Variants in C12orf50 observed in about 807,000 individuals in gnomAD.
C12orf50 encodes the protein zinc finger CCCH-type containing 11D, also known as uncharacterized protein C12orf50.
A neutral mutation model predicts 61.6 loss-of-function variants in C12orf50; 35 were observed. The ratio of observed to expected loss-of-function variants is 0.57; its 90% CI spans 0.43 to 0.75. C12orf50 has a LOEUF of 0.75. Among genes scored for constraint, C12orf50 ranks in the 30% least tolerant of loss-of-function variants. The pLI, the probability that C12orf50 is intolerant of heterozygous loss-of-function variation, is 0.00. For missense variants in C12orf50, 475 were observed against 488.5 expected, an observed-to-expected ratio of 0.97 and a Z score of 0.26; for synonymous variants, 178 against 161.5, an observed-to-expected ratio of 1.10 and a Z score of -0.77.
chr12:88,012,305 T>C (rs1246129708), intron 3 of C12orf50, among the ~76,000 whole-genome samples: 2 of 152,188 alleles, frequency 1.3e-5, no homozygotes, highest in Non-Finnish European at 2.9e-5. Flanking sequence ...ATAAATGCAA[T>C]CATAATGCAG....
At chr12:88,021,210 C>T (rs928992560) in intron 3 of C12orf50, among the ~76,000 whole-genome samples, 1 of 149,572 alleles carries the variant, frequency 6.7e-6, no homozygotes, top group African/African-American at 2.5e-5. Flanking sequence ...AATGGAGACA[C>T]AAAAAGCCAT....
chr12:88,011,857 T>G (rs370994540), intron 3 of C12orf50, among the ~76,000 whole-genome samples: 2 of 152,148 alleles, frequency 1.3e-5, no homozygotes, highest in South Asian at 4.1e-4. Context: ...AGAATTCCAG[T>G]TTTCCCTTAA....
At chr12:88,026,287 T>C (rs931165778) in intron 3 of C12orf50, among the ~76,000 whole-genome samples, 1 of 152,230 alleles carries the variant, frequency 6.6e-6, no homozygotes, top group African/African-American at 2.4e-5. Flanking sequence ...TAACTTGCTC[T>C]TTGTTCATTT....
intron 3 of C12orf50, among the ~76,000 whole-genome samples, chr12:88,002,967 T>C (rs542221432): frequency 6.6e-6 from 1 of 151,980 alleles, no homozygotes; most frequent in African/African-American, 2.4e-5. Flanking sequence ...TATGCCCTCT[T>C]CCTCCTTTCT....
At chr12:88,016,219 T>A (rs2032306291) in intron 3 of C12orf50, among the ~76,000 whole-genome samples, 1 of 152,204 alleles carries the variant, frequency 6.6e-6, no homozygotes, top group African/African-American at 2.4e-5. Flanking sequence ...ATTTGTACAA[T>A]GCTCTGTATG....
chr12:88,018,862 C>T (rs1280708772), intron 3 of C12orf50, among the ~76,000 whole-genome samples: 1 of 152,212 alleles, frequency 6.6e-6, no homozygotes, highest in African/African-American at 2.4e-5. Context: ...TTTCGAATGG[C>T]TGTACCTACC....
chr12:87,983,221 A>G lies in C12orf50; in HGVS notation c.1127-26T>C, dbSNP rs182118466. On this transcript the variant is annotated intron_variant, in intron 11 of 12. Coordinates refer to ENST00000298699, the MANE Select transcript of C12orf50 (RefSeq NM_152589.3). Reference sequence around the variant, plus strand: ...CTGAGGGAAAAAAATCCAGAATTAAATATTTTATAACTTTAAAATCATATT... The same window carrying G: ...CTGAGGGAAAAAAATCCAGAATTAAGTATTTTATAACTTTAAAATCATATT... The G allele has an allele frequency of 3.2e-3, 4,681 of 1,454,026 alleles. 31 individuals are homozygous for G. The highest frequency in any genetic ancestry group is 0.03 in the East Asian group (1,290 of 43,696). The allele number at this position is 1,454,026 out of a possible 1,614,324, so 90.1% of individuals were successfully genotyped here. A position where few individuals can be genotyped will look rare whatever the true frequency, so the allele number is the denominator to read the frequency against.
intron 12 of C12orf50, among the ~76,000 whole-genome samples, chr12:87,982,891 T>C (rs960204870): frequency 6.6e-6 from 1 of 151,674 alleles, no homozygotes; most frequent in African/African-American, 2.4e-5. Context: ...CGTTTTTGGG[T>C]AACACATAAA....
chr12:88,008,922 T>C (rs2031993604), intron 3 of C12orf50, among the ~76,000 whole-genome samples: 1 of 152,216 alleles, frequency 6.6e-6, no homozygotes, highest in Non-Finnish European at 1.5e-5. Context: ...GCCATATCTA[T>C]TCTTTCTTGC....
intron 1 of C12orf50, among the ~76,000 whole-genome samples, chr12:88,028,615 T>C (rs1464778176): frequency 6.6e-6 from 1 of 152,122 alleles, no homozygotes; most frequent in East Asian, 1.9e-4. Context: ...AATTCAGTAA[T>C]TGGGTTAATA....
intron 3 of C12orf50, among the ~76,000 whole-genome samples, chr12:88,019,657 G>C (rs2032442588): frequency 6.6e-6 from 1 of 151,968 alleles, no homozygotes; most frequent in Admixed American, 6.6e-5. Context: ...AACTAACTCT[G>C]CACATGTAAG....
chr12:87,996,632 A>G lies in C12orf50; in HGVS notation c.304T>C (p.Trp102Arg), dbSNP rs774469178. The G allele has an allele frequency of 6.2e-7, 1 of 1,606,342 alleles. No individual in the cohort carries two copies. The highest frequency in any genetic ancestry group is 2.2e-5 in the East Asian group (1 of 44,690). Reference protein sequence around the residue: ...VDEQNDASSLWTKTPEEIEEK... With the variant: ...VDEQNDASSLRTKTPEEIEEK... The stretch of plus-strand genomic sequence containing the variant: ...TCAATTTCTTCAGGGGTCTTTGTCC[A>G]TAAACTAGAAGCATCTATAGGATAT... The change falls in exon 5 of 13, where the codon TGG becomes CGG. Residue 102 changes from tryptophan (W) to arginine (R), a missense_variant. Transcript: ENST00000298699.
At chr12:88,016,091 C>G (rs1195508322) in intron 3 of C12orf50, among the ~76,000 whole-genome samples, 2 of 152,092 alleles carry the variant, frequency 1.3e-5, no homozygotes, top group Non-Finnish European at 2.9e-5. Context: ...AACTCATCTA[C>G]TTAATATGGA....
chr12:88,015,100 C>G (rs1439460215), intron 3 of C12orf50, among the ~76,000 whole-genome samples: 1 of 151,932 alleles, frequency 6.6e-6, no homozygotes, highest in Non-Finnish European at 1.5e-5. Flanking sequence ...TCGGGGGCTA[C>G]CATTTGATGT....
intron 12 of C12orf50, among the ~76,000 whole-genome samples, 170 bp from the exon 13 acceptor site, chr12:87,980,526 G>T (rs529625960): frequency 1.3e-5 from 2 of 152,116 alleles, no homozygotes; most frequent in Non-Finnish European, 2.9e-5. Context: ...ACTTCTTTTT[G>T]ATTCTTACTA....
intron 3 of C12orf50, among the ~76,000 whole-genome samples, chr12:88,021,607 C>T (rs991994531): frequency 1.3e-5 from 2 of 151,788 alleles, no homozygotes; most frequent in African/African-American, 4.8e-5. Flanking sequence ...CACTGCATTC[C>T]AGTCTGGGTG....
chr12:88,013,220 AAACT>A (rs1416430040), intron 3 of C12orf50, among the ~76,000 whole-genome samples: 3 of 152,156 alleles, frequency 2.0e-5, no homozygotes, highest in Non-Finnish European at 4.4e-5. Flanking sequence ...AAAAAAAATA[AAACT>A]AACAATTTTA....
chr12:88,024,400 C>A (rs192546532), intron 3 of C12orf50, among the ~76,000 whole-genome samples: 1 of 152,050 alleles, frequency 6.6e-6, no homozygotes, highest in East Asian at 1.9e-4. Flanking sequence ...AATGGTAGAA[C>A]GAATAAGGAA....
At chr12:88,014,831 A>C (rs956138914) in intron 3 of C12orf50, among the ~76,000 whole-genome samples, 5 of 152,242 alleles carry the variant, frequency 3.3e-5, no homozygotes. Flanking sequence ...AGATTATTCT[A>C]AAACACTGGG....
Sources: allele counts gnomAD v4.1 joint callset (sites outside exome capture counted in the v4.1 genomes callset), GRCh38; gene constraint gnomAD v4.1.1; transcripts MANE v1.5; gene names NCBI Gene and HGNC (gene_info 2026-07-23, HGNC 2026-07-21).